The following MRPS9 variants were observed in gnomAD, a reference collection of about 807,000 sequenced individuals.
MRPS9 encodes the protein mitochondrial ribosomal protein S9.
In MRPS9, 45 loss-of-function variants were observed where a neutral mutation model predicts 59.9. The observed-to-expected ratio is 0.75, with a 90% CI of 0.59 to 0.96. MRPS9 has a LOEUF of 0.96. Ranked by LOEUF, MRPS9 falls within the 40% of genes least tolerant of loss-of-function variation. The pLI is 0.00. For synonymous variants in MRPS9, 171 were observed against 166.8 expected (o/e 1.03, Z -0.19); for missense variants, 473 against 481.1 (o/e 0.98, Z 0.16).
At chr2:105,048,971 G>T (rs539629920) in intron 1 of MRPS9, among the ~76,000 whole-genome samples, 200 bp from the exon 2 acceptor site, 4 of 147,588 alleles carry the variant, frequency 2.7e-5, no homozygotes, top group Non-Finnish European at 6.1e-5. Flanking sequence ...AAACTGCATT[G>T]TAAGCAAGGC....
intron 1 of MRPS9, among the ~76,000 whole-genome samples, chr2:105,038,695 G>A (rs1209490256): frequency 6.6e-6 from 1 of 152,132 alleles, no homozygotes. Flanking sequence ...GCAATTTCTG[G>A]CTTCTTAATT....
chr2:105,066,623 G>A (rs906225865), intron 2 of MRPS9, among the ~76,000 whole-genome samples: 7 of 152,044 alleles, frequency 4.6e-5, no homozygotes, highest in African/African-American at 9.7e-5. Flanking sequence ...AAATGTTGCC[G>A]ATGACAGCTT....
intron 1 of MRPS9, among the ~76,000 whole-genome samples, chr2:105,042,309 G>A (rs567811783): frequency 6.6e-6 from 1 of 152,202 alleles, no homozygotes; most frequent in Non-Finnish European, 1.5e-5. Flanking sequence ...GCAGGCTGTC[G>A]GGCTGAAGGC....
At chr2:105,061,263 C>T (rs545766970) in intron 2 of MRPS9, among the ~76,000 whole-genome samples, 1 of 152,188 alleles carries the variant, frequency 6.6e-6, no homozygotes, top group South Asian at 2.1e-4. Flanking sequence ...TGGCACTGAG[C>T]TGGTTTTGCG....
chr2:105,079,338 C>T (rs1225409701), intron 4 of MRPS9, among the ~76,000 whole-genome samples: 2 of 151,998 alleles, frequency 1.3e-5, no homozygotes, highest in African/African-American at 4.8e-5. Context: ...GCGCAAAGGA[C>T]ACAGAGTTAG....
intron 9 of MRPS9, among the ~76,000 whole-genome samples, chr2:105,095,248 C>T (rs1434155396): frequency 1.3e-5 from 2 of 152,112 alleles, no homozygotes; most frequent in Non-Finnish European, 2.9e-5. Flanking sequence ...GGGTTAGCCA[C>T]GTAAGTGAAG....
intron 1 of MRPS9, among the ~76,000 whole-genome samples, chr2:105,043,880 G>C (rs1328003058): frequency 6.6e-6 from 1 of 150,974 alleles, no homozygotes; most frequent in Admixed American, 6.6e-5. Context: ...TGATCGGCCT[G>C]CCTTGGCTTC....
chr2:105,060,080 C>T (rs991753792), intron 2 of MRPS9, among the ~76,000 whole-genome samples: 11 of 137,066 alleles, frequency 8.0e-5, no homozygotes, highest in African/African-American at 2.9e-4. Flanking sequence ...CTTCATGGTT[C>T]TCATTTTCTT....
chr2:105,038,257 ACC>A (rs1558747757), intron 1 of MRPS9, 30 bp downstream of exon 1: 1 of 1,599,142 alleles, frequency 6.3e-7, no homozygotes, highest in Non-Finnish European at 8.5e-7. Flanking sequence ...GAAGCGGCTT[ACC>A]TCTGCCGCGC....
At chr2:105,041,726 C>G (rs924594841) in intron 1 of MRPS9, among the ~76,000 whole-genome samples, 1 of 152,076 alleles carries the variant, frequency 6.6e-6, no homozygotes, top group Non-Finnish European at 1.5e-5. Flanking sequence ...TAGTTATGCC[C>G]TACCCCGATA....
chr2:105,067,061 T>C (rs991893019), intron 2 of MRPS9, among the ~76,000 whole-genome samples: 2 of 152,166 alleles, frequency 1.3e-5, no homozygotes, highest in African/African-American at 4.8e-5. Flanking sequence ...CATTTTTTAT[T>C]GATCCACTGA....
In MRPS9 at chr2:105,093,655, G is replaced by A. The variant is rs766368205; in HGVS notation, c.929+17G>A. 21 of 1,402,008 alleles carry A rather than the reference G, an allele frequency of 1.5e-5. No individual in the cohort carries two copies. Among genetic ancestry groups the A allele is most frequent in the Non-Finnish European group, 2.0e-6 (2 of 1,014,166 alleles). The allele number at this position is 1,402,008 out of a possible 1,614,324, so 86.8% of individuals were successfully genotyped here. The stretch of plus-strand genomic sequence containing the variant: ...ACAGGACAGGTTCGTTTTGGGTTCT[G>A]ATTTTTTGTTTTTAAAGGAAACATA... On this transcript the variant is annotated intron_variant, in intron 9 of 10. Coordinates refer to ENST00000258455, the MANE Select transcript of MRPS9 (RefSeq NM_182640.3).
At chr2:105,051,848 A>C (rs942249135) in intron 2 of MRPS9, among the ~76,000 whole-genome samples, 1 of 152,110 alleles carries the variant, frequency 6.6e-6, no homozygotes, top group African/African-American at 2.4e-5. Flanking sequence ...TCTTATTGCA[A>C]GTGAATACAG....
chr2:105,061,337 C>A (rs1430667366), intron 2 of MRPS9, among the ~76,000 whole-genome samples: 2 of 142,504 alleles, frequency 1.4e-5, no homozygotes, highest in African/African-American at 5.2e-5. Context: ...TAACATTGGG[C>A]CTTGTGGGGT....
chr2:105,056,589 C>G (rs779181689), intron 2 of MRPS9, among the ~76,000 whole-genome samples: 1 of 152,184 alleles, frequency 6.6e-6, no homozygotes, highest in African/African-American at 2.4e-5. Context: ...GAATGAGGCC[C>G]TACGTGCCCC....
intron 2 of MRPS9, among the ~76,000 whole-genome samples, chr2:105,070,977 G>A (rs903777336): frequency 2.0e-5 from 3 of 152,216 alleles, no homozygotes; most frequent in African/African-American, 2.4e-5. Context: ...GACCAGCTGG[G>A]AGCTGGAACA....
In MRPS9 at chr2:105,084,247, A is replaced by AATATATAT. The variant is rs58438490; in HGVS notation, c.489+4200_489+4207dup. 2.2e-3 allele frequency among the ~76,000 whole-genome samples: 313 copies of AATATATAT among 139,590 alleles called. 4 individuals carry two copies. Among genetic ancestry groups the AATATATAT allele is most frequent in the African/African-American group, 7.2e-3 (275 of 38,270 alleles). The allele number at this position is 139,590 out of a possible 152,430, so 91.6% of individuals were successfully genotyped here. On this transcript the variant is annotated intron_variant, in intron 5 of 10. Transcript: ENST00000258455. ...TGGCCACAGATGAAATATATACCAA[A>AATATATAT]ATATATATATATATATATATATGTA...
intron 1 of MRPS9, among the ~76,000 whole-genome samples, chr2:105,046,145 C>T (rs908686730): frequency 1.3e-5 from 2 of 151,992 alleles, no homozygotes; most frequent in Admixed American, 6.6e-5. Context: ...GAATTACAGG[C>T]GTGAGCCACC....
At chr2:105,051,993 A>C (rs1011198753) in intron 2 of MRPS9, among the ~76,000 whole-genome samples, 2 of 152,210 alleles carry the variant, frequency 1.3e-5, no homozygotes, top group Non-Finnish European at 2.9e-5. Context: ...AGGGTATAGC[A>C]GGATATCCCA....
Sources: allele counts gnomAD v4.1 joint callset (sites outside exome capture counted in the v4.1 genomes callset), GRCh38; gene constraint gnomAD v4.1.1; transcripts MANE v1.5; gene names NCBI Gene and HGNC (gene_info 2026-07-23, HGNC 2026-07-21).